Variants in SDK2 observed in about 807,000 individuals in gnomAD.
SDK2 encodes sidekick cell adhesion molecule 2.
SDK2 carries 105 observed loss-of-function variants against 253.9 expected under a neutral mutation model. That is an observed-to-expected ratio of 0.41 (90% confidence interval 0.35 to 0.49). SDK2 has a LOEUF of 0.49. Ranked by LOEUF, SDK2 falls within the 20% of genes least tolerant of loss-of-function variation. The pLI is 0.06. For missense variants in SDK2, 2,608 were observed against 3,003.0 expected (o/e 0.87, Z 3.07); for synonymous variants, 1,249 against 1,234.9 (o/e 1.01, Z -0.24).
At chr17:73,577,709 C>T (rs374228274) in intron 1 of SDK2, among the ~76,000 whole-genome samples, 1 of 152,160 alleles carries the variant, frequency 6.6e-6, no homozygotes, top group Admixed American at 6.6e-5. Context: ...TAGGTAAACC[C>T]TTGACTTTCT....
In SDK2 at chr17:73,386,599, G is replaced by T. The variant is rs559986156; in HGVS notation, c.4395-51C>A. 15 of 1,280,518 alleles carry T rather than the reference G, an allele frequency of 1.2e-5. No individual in the cohort carries two copies. The East Asian group carries it at 3.8e-4, about 32-fold the overall frequency. 79.3% of individuals were successfully genotyped at this position (1,280,518 alleles called of 1,614,324 possible). ...AGCCAAGGTGCTCCTTAAAGGCCTC[G>T]CCCCATGCTCCCACCAAGGAGTCTC... On this transcript the variant is annotated intron_variant, in intron 30 of 44. Transcript: ENST00000392650.
intron 1 of SDK2, among the ~76,000 whole-genome samples, chr17:73,554,826 A>T (rs554206144): frequency 6.6e-5 from 10 of 152,220 alleles, no homozygotes; most frequent in Non-Finnish European, 1.2e-4. Context: ...TCCTTTGTAG[A>T]GTATTGATTT....
At chr17:73,539,816 C>CA (rs34577951) in intron 1 of SDK2, among the ~76,000 whole-genome samples, 96,541 of 151,270 alleles carry the variant, frequency 0.64, 31,549 homozygotes, top group African/African-American at 0.77. Flanking sequence ...CAGAGACACA[C>CA]GGGGGGAATG....
chr17:73,338,193 G>A lies in SDK2; in HGVS notation c.*394C>T, dbSNP rs764016366. 2.0e-5 allele frequency: 7 copies of A among 351,166 alleles called. No homozygotes were observed. Among genetic ancestry groups the A allele is most frequent in the Admixed American group, 4.0e-5 (1 of 24,850 alleles). The allele number at this position is 351,166 out of a possible 1,614,324, so 21.8% of individuals were successfully genotyped here. On this transcript the variant is annotated 3_prime_UTR_variant, in exon 45 of 45. Transcript: ENST00000392650. This position sits in a 1 kb window ranked among gnomAD's most constrained non-coding sequence, Gnocchi z 5.0. ...CTGGAGGGGCTGGAAGGGGGCAGCT[G>A]GCTGGACATCCAGAAGCTTTTTCTT...
At chr17:73,411,680 G>C (rs947141654) in intron 18 of SDK2, among the ~76,000 whole-genome samples, 4 of 152,106 alleles carry the variant, frequency 2.6e-5, no homozygotes, top group Non-Finnish European at 5.9e-5. Context: ...CGAGAGAACC[G>C]GGCCTGGGCT....
chr17:73,643,955 G>A lies in SDK2; in HGVS notation c.64+70C>T, dbSNP rs1307470544. On this transcript the variant is annotated intron_variant, in intron 1 of 44. Transcript: ENST00000392650. This position sits in a 1 kb window ranked among gnomAD's most constrained non-coding sequence, Gnocchi z 6.9. ...CAGGAGGTCACCGTGAGGCCGGCCA[G>A]CTCCCGCCGCCCCTCCCCCGCCCAC... 15 of 1,098,530 alleles carry A rather than the reference G, an allele frequency of 1.4e-5. No individual in the cohort carries two copies. The highest frequency in any genetic ancestry group is 2.0e-5 in the Non-Finnish European group (15 of 743,346). 68.0% of individuals were successfully genotyped at this position (1,098,530 alleles called of 1,614,324 possible).
chr17:73,464,355 C>A (rs1044659704), intron 3 of SDK2, among the ~76,000 whole-genome samples: 2 of 152,184 alleles, frequency 1.3e-5, no homozygotes, highest in African/African-American at 4.8e-5. Flanking sequence ...TGCACAAGCC[C>A]TCTTGCCTGC....
At chr17:73,483,507 GTGTA>G (rs1266862200) in intron 2 of SDK2, among the ~76,000 whole-genome samples, 562 of 50,670 alleles carry the variant, frequency 0.011, 16 homozygotes, top group African/African-American at 0.035. Context: ...GTGTGTGTGT[GTGTA>G]TGTGTGTGTG....
Position 73,387,831 on chromosome 17 carries a change from C to A in SDK2, c.4394+5G>T. 6.4e-7 allele frequency: 1 copy of A among 1,562,002 alleles called. No individual in the cohort carries two copies. Among genetic ancestry groups the A allele is most frequent in the African/African-American group, 1.4e-5 (1 of 73,926 alleles). On this transcript the variant is annotated splice_donor_5th_base_variant and intron_variant, in intron 30 of 44. Coordinates refer to ENST00000392650, the MANE Select transcript of SDK2 (RefSeq NM_001144952.2). ...TGGGGATGCTGGCATGGACCCGAGC[C>A]TTACCTGTCCACAATGAAGCTGGAG...
At chr17:73,401,888 C>A (rs1268583201) in intron 19 of SDK2, 58 bp downstream of exon 19, 1 of 1,423,886 alleles carries the variant, frequency 7.0e-7, no homozygotes, top group Admixed American at 2.0e-5. Context: ...CTGCCTGGGG[C>A]GCCCAGCCTG....
At position 73,507,916 on chromosome 17, in the gene SDK2, C is replaced by T. The variant is rs141126629; in HGVS notation, c.65-319G>A. On this transcript the variant is annotated intron_variant, in intron 1 of 44. Transcript: ENST00000392650. ...AGCATACACATCCACTCCATCCACT[C>T]TGCTCATGGGTTCCCCCTCCAGGGC... Among the ~76,000 whole-genome samples, 1,210 of 152,352 alleles carry T rather than the reference C, an allele frequency of 7.9e-3. 17 individuals carry two copies. Among genetic ancestry groups the T allele is most frequent in the African/African-American group, 0.028 (1,174 of 41,592 alleles).
intron 37 of SDK2, among the ~76,000 whole-genome samples, chr17:73,368,184 G>A (rs1469869437): frequency 6.6e-6 from 1 of 152,120 alleles, no homozygotes; most frequent in East Asian, 1.9e-4. Context: ...ACAGGGATGA[G>A]GTGTGGGGGT....
chr17:73,607,510 G>A lies in SDK2; in HGVS notation c.64+36515C>T, dbSNP rs185530110. 1.4e-4 allele frequency among the ~76,000 whole-genome samples: 21 copies of A among 152,230 alleles called. No individual in the cohort carries two copies. The East Asian group carries it at 3.3e-3, about 24-fold the overall frequency. On this transcript the variant is annotated intron_variant, in intron 1 of 44. Coordinates refer to ENST00000392650, the MANE Select transcript of SDK2 (RefSeq NM_001144952.2). ...GGGAGCTCATGAAAAAAAGCAAAAC[G>A]CTGAGCCAGGGAAGGGGTCTCGGGT...
chr17:73,450,346 T>C (rs1287156860), intron 4 of SDK2, among the ~76,000 whole-genome samples: 1 of 152,204 alleles, frequency 6.6e-6, no homozygotes, highest in Non-Finnish European at 1.5e-5. Flanking sequence ...GCTGCTTCTG[T>C]TGTTTCCTCA....
chr17:73,347,322 T>C (rs1222425403), intron 44 of SDK2, among the ~76,000 whole-genome samples: 1 of 152,174 alleles, frequency 6.6e-6, no homozygotes. Context: ...ATTGCGCCAC[T>C]GCACTCCAGA....
rs376311228 is a variant in SDK2 at position 73,605,210 on chromosome 17, T to C, written c.64+38815A>G. 1.1e-4 allele frequency among the ~76,000 whole-genome samples: 16 copies of C among 150,486 alleles called. No individual in the cohort carries two copies. In the East Asian group the frequency reaches 2.4e-3, roughly 22 times the overall value. Reference sequence around the variant, plus strand: ...AAAGAGTGACGGCCCCTTCAAGAGGTTGAGTGAAGGAAAGATGTAGGGAAG... The same window carrying C: ...AAAGAGTGACGGCCCCTTCAAGAGGCTGAGTGAAGGAAAGATGTAGGGAAG... On this transcript the variant is annotated intron_variant, in intron 1 of 44. Transcript: ENST00000392650.
chr17:73,437,733 C>T lies in SDK2; in HGVS notation c.1000+6G>A, dbSNP rs200634268. On this transcript the variant is annotated splice_donor_region_variant and intron_variant, in intron 8 of 44. Coordinates refer to ENST00000392650, the MANE Select transcript of SDK2 (RefSeq NM_001144952.2). Reference sequence around the variant, plus strand: ...TTGTCCCCCTCCAGCGGTGCCACCTCATTACCTTTGGCCTGACAGGGGATG... The same window carrying T: ...TTGTCCCCCTCCAGCGGTGCCACCTTATTACCTTTGGCCTGACAGGGGATG... 6 of 1,612,914 alleles carry T rather than the reference C, an allele frequency of 3.7e-6. No homozygotes were observed. Among genetic ancestry groups the T allele is most frequent in the Non-Finnish European group, 4.2e-6 (5 of 1,178,866 alleles).
intron 1 of SDK2, among the ~76,000 whole-genome samples, chr17:73,599,690 C>T (rs956512720): frequency 6.6e-6 from 1 of 152,284 alleles, no homozygotes; most frequent in African/African-American, 2.4e-5. Flanking sequence ...TTTTCTCTCA[C>T]TTCAAGCATA....
intron 40 of SDK2, among the ~76,000 whole-genome samples, chr17:73,356,904 A>G (rs7502239): frequency 0.56 from 84,971 of 152,082 alleles, 23,871 homozygotes; most frequent in Non-Finnish European, 0.58. Context: ...GAATCAACAG[A>G]GCCAGAGTCA....
Sources: gnomAD v4.1 joint callset for allele counts (sites outside exome capture counted in the v4.1 genomes callset) on GRCh38, gnomAD v4.1.1 for gene constraint, Gnocchi (gnomAD v3.1) non-coding constraint, MANE v1.5 for transcripts, NCBI Gene and HGNC (gene_info 2026-07-23, HGNC 2026-07-21) for gene names.